TXNIP: variants seen among roughly 807,000 people sequenced by gnomAD.
TXNIP encodes the protein thioredoxin interacting protein.
TXNIP carries 23 observed loss-of-function variants against 43.9 expected under a neutral mutation model. That is an observed-to-expected ratio of 0.52 (90% CI 0.38 to 0.74). TXNIP has a LOEUF of 0.74. Ranked by LOEUF, TXNIP falls within the 30% of genes least tolerant of loss-of-function variation. The pLI, the probability that TXNIP is intolerant of heterozygous loss-of-function variation, is 0.00. For synonymous variants in TXNIP, 234 were observed against 172.2 expected (o/e 1.36, Z -2.81); for missense variants, 555 against 485.4 (o/e 1.14, Z -1.35).
Position 145,993,725 on chromosome 1 carries a change from G to C in TXNIP, c.*126C>G. 9.3e-7 allele frequency: 1 copy of C among 1,080,744 alleles called. No homozygotes were observed. Among genetic ancestry groups the C allele is most frequent in the South Asian group, 1.5e-5 (1 of 66,902 alleles). 66.9% of individuals were successfully genotyped at this position (1,080,744 alleles called of 1,614,324 possible). On this transcript the variant is annotated 3_prime_UTR_variant, in exon 8 of 8. Coordinates refer to ENST00000582401, the MANE Select transcript of TXNIP (RefSeq NM_006472.6). ...GCCTGCTGACCACCTCCTACATTAGGAAGTCAGAGGCTAAGGTGGACCCAC... is the reference window on the plus strand; with the variant it reads ...GCCTGCTGACCACCTCCTACATTAGCAAGTCAGAGGCTAAGGTGGACCCAC...
intron 1 of TXNIP, 196 bp downstream of exon 1, chr1:145,995,821 T>TA (rs1335297319): frequency 6.9e-6 from 5 of 727,686 alleles, no homozygotes; most frequent in Admixed American, 2.9e-5. Flanking sequence ...CACAGCACCA[T>TA]AAAAAATTGT....
rs1050049874 is a variant in TXNIP, at chr1:145,996,466, T to C, written c.-200A>G. 12 of 547,572 alleles carry C rather than the reference T, an allele frequency of 2.2e-5. No individual in the cohort carries two copies. Among genetic ancestry groups the C allele is most frequent in the African/African-American group, 1.9e-4 (10 of 52,440 alleles). 33.9% of individuals were successfully genotyped at this position (547,572 alleles called of 1,614,324 possible). ...TTTTCGAAAAGGCGCCTAAAAAATA[T>C]ACGCCGCTGGTTACACTAAGCTAAT... is the stretch of plus-strand genomic sequence containing the variant. On this transcript the variant is annotated 5_prime_UTR_variant, in exon 1 of 8. Transcript: ENST00000582401.
In TXNIP at chr1:145,995,039, GA is replaced by G; in HGVS notation, c.472-9del. The G allele has an allele frequency of 6.2e-7, 1 of 1,613,902 alleles. No individual in the cohort carries two copies. Among genetic ancestry groups the G allele is most frequent in the East Asian group, 2.2e-5 (1 of 44,874 alleles). ...TTTAGCAGACACAGGTGCCTATATA[GA>G]AGGGGATAAAAAGGTGTTTTGAGAT... On this transcript the variant is annotated splice_polypyrimidine_tract_variant and intron_variant, in intron 3 of 7. Coordinates refer to ENST00000582401, the MANE Select transcript of TXNIP (RefSeq NM_006472.6).
Position 145,996,438 on chromosome 1 carries a change from A to G in TXNIP, c.-172T>C, listed in dbSNP as rs1651539572. On this transcript the variant is annotated 5_prime_UTR_variant, in exon 1 of 8. Transcript: ENST00000582401. ...TTTAAACAAATGAATATTAACTACTAGGTTTTCGAAAAGGCGCCTAAAAAA... is the reference window on the plus strand; with the variant it reads ...TTTAAACAAATGAATATTAACTACTGGGTTTTCGAAAAGGCGCCTAAAAAA... 6.5e-6 allele frequency: 5 copies of G among 774,232 alleles called. No homozygotes were observed. Among genetic ancestry groups the G allele is most frequent in the Non-Finnish European group, 7.8e-6 (4 of 515,498 alleles). The allele number at this position is 774,232 out of a possible 1,614,324, so 48.0% of individuals were successfully genotyped here. A position where few individuals can be genotyped will look rare whatever the true frequency, so the allele number is the denominator to read the frequency against.
chr1:145,994,998 A>T lies in TXNIP; in HGVS notation c.505T>A (p.Ser169Thr), dbSNP rs782344734. ...CGCCCATCAGGAATGAACATGCAGG[A>T]AACTTTCTTTTCTTTTTTAGCAGAC... ...PVSAKKEKKVSCMFIPDGRVS... is the reference protein window; with the variant it reads ...PVSAKKEKKVTCMFIPDGRVS... Residue 169 changes from serine (S) to threonine (T), a missense_variant, in exon 4 of 8, where the codon TCC (serine) becomes ACC (threonine). Transcript: ENST00000582401. The T allele has an allele frequency of 2.0e-5, 33 of 1,614,068 alleles. No individual in the cohort carries two copies. The highest frequency in any genetic ancestry group is 2.6e-5 in the Non-Finnish European group (31 of 1,180,052).
In TXNIP at chr1:145,994,385, A is replaced by G; in HGVS notation, c.884T>C (p.Val295Ala). 1 of 1,614,142 alleles carries G rather than the reference A, an allele frequency of 6.2e-7. No homozygotes were observed. ...SKKVILDLPL[V>A]IGSRSGLSSR... is the part of the protein sequence containing the mutation. ...GCTTAGACCTGATCTGCTGCCAATTACCAGGGGCAGGTCAAGGATGACCTT... is the reference window on the plus strand; with the variant it reads ...GCTTAGACCTGATCTGCTGCCAATTGCCAGGGGCAGGTCAAGGATGACCTT... The change falls in exon 6 of 8, where the codon GTA (valine) becomes GCA (alanine). Residue 295 changes from valine to alanine, a missense_variant. Coordinates refer to ENST00000582401, the MANE Select transcript of TXNIP (RefSeq NM_006472.6).
In TXNIP at chr1:145,995,430, G is replaced by C; in HGVS notation, c.297C>G (p.Tyr99Ter). 6.2e-7 allele frequency: 1 copy of C among 1,614,070 alleles called. No individual in the cohort carries two copies. The highest frequency in any genetic ancestry group is 1.1e-5 in the South Asian group (1 of 91,064). ...VIMRPGNKYE[Y>*]KFGFELPQGP... Reference sequence around the variant, plus strand: ...CCTGAGGAAGCTCAAAGCCGAACTTGTACTCATATTTGTTTCCAGGTCTCA... The same window carrying C: ...CCTGAGGAAGCTCAAAGCCGAACTTCTACTCATATTTGTTTCCAGGTCTCA... The change falls in exon 2 of 8, where the codon TAC becomes TAG. Residue 99 changes from tyrosine to a stop codon, truncating the protein, a stop_gained. Transcript: ENST00000582401. LOFTEE classifies it high-confidence loss of function.
chr1:145,995,876 T>G (rs1399831710), intron 1 of TXNIP, 141 bp downstream of exon 1: 2 of 1,088,016 alleles, frequency 1.8e-6, no homozygotes, highest in Non-Finnish European at 2.6e-6. Context: ...TGTCTGCAAA[T>G]TAAAACAGAA....
rs2101962370 is a variant in TXNIP, at chr1:145,995,134, T to C, written c.471+10A>G. ...ACCCAGGAGAATAGAATCTTTAAAA[T>C]GGATCTCACCATTAAATCAGGGGTA... On this transcript the variant is annotated intron_variant, in intron 3 of 7. Transcript: ENST00000582401. The C allele has an allele frequency of 6.2e-7, 1 of 1,614,062 alleles. No individual in the cohort carries two copies. Among genetic ancestry groups the C allele is most frequent in the Non-Finnish European group, 8.5e-7 (1 of 1,179,932 alleles).
At chr1:145,994,496 G>C (rs1553766042) in intron 5 of TXNIP, 48 bp downstream of exon 5, 1 of 1,613,194 alleles carries the variant, frequency 6.2e-7, no homozygotes, top group Admixed American at 1.7e-5. Context: ...GACAGCTGTG[G>C]TAACAGATGA....
At position 145,992,813 on chromosome 1, in the gene TXNIP, G is replaced by A. The variant is rs1185681179; in HGVS notation, c.*1038C>T. On this transcript the variant is annotated 3_prime_UTR_variant, in exon 8 of 8. Coordinates refer to ENST00000582401, the MANE Select transcript of TXNIP (RefSeq NM_006472.6). ...AGTATTTGGAGGTTCTGATCACAGG[G>A]TTGGGCATCTTGATCAAGAGTTCCT... 6.6e-6 allele frequency: 1 copy of A among 152,652 alleles called. No homozygotes were observed. The highest frequency in any genetic ancestry group is 2.4e-5 in the African/African-American group (1 of 41,436). The allele number at this position is 152,652 out of a possible 1,614,324, so 9.5% of individuals were successfully genotyped here. A position where few individuals can be genotyped will look rare whatever the true frequency, so the allele number is the denominator to read the frequency against.
chr1:145,992,818 G>A lies in TXNIP; in HGVS notation c.*1033C>T, dbSNP rs587631368. 38 of 152,754 alleles carry A rather than the reference G, an allele frequency of 2.5e-4. No individual in the cohort carries two copies. The highest frequency in any genetic ancestry group is 1.9e-4 in the Non-Finnish European group (13 of 68,050). The allele number at this position is 152,754 out of a possible 1,614,324, so 9.5% of individuals were successfully genotyped here. A position where few individuals can be genotyped will look rare whatever the true frequency, so the allele number is the denominator to read the frequency against. ...TTGGAGGTTCTGATCACAGGGTTGGGCATCTTGATCAAGAGTTCCTCCTTG... is the reference window on the plus strand; with the variant it reads ...TTGGAGGTTCTGATCACAGGGTTGGACATCTTGATCAAGAGTTCCTCCTTG... On this transcript the variant is annotated 3_prime_UTR_variant, in exon 8 of 8. Coordinates refer to ENST00000582401, the MANE Select transcript of TXNIP (RefSeq NM_006472.6).
Position 145,994,950 on chromosome 1 carries a change from C to T in TXNIP, c.553G>A (p.Asp185Asn), listed in dbSNP as rs782665446. Reference protein sequence around the residue: ...DGRVSVSARIDRKGFCEGDEI... With the variant: ...DGRVSVSARINRKGFCEGDEI... ...TTACCTTCACAGAATCCTTTTCTGT[C>T]AATTCGAGCAGAGACAGACACCCGC... is the stretch of plus-strand genomic sequence containing the variant. The change falls in exon 4 of 8, where the codon GAC (aspartate) becomes AAC (asparagine). Residue 185 changes from aspartate to asparagine, a missense_variant. Coordinates refer to ENST00000582401, the MANE Select transcript of TXNIP (RefSeq NM_006472.6). The T allele has an allele frequency of 1.2e-6, 2 of 1,614,158 alleles. No homozygotes were observed. Among genetic ancestry groups the T allele is most frequent in the Non-Finnish European group, 1.7e-6 (2 of 1,180,036 alleles).
In TXNIP at chr1:145,994,974, G is replaced by A. The variant is rs143973146; in HGVS notation, c.529C>T (p.Arg177Trp). The A allele has an allele frequency of 5.8e-5, 93 of 1,613,916 alleles. No homozygotes were observed. The highest frequency in any genetic ancestry group is 8.0e-5 in the African/African-American group (6 of 74,880). Residue 177 changes from arginine (R) to tryptophan (W), a missense_variant, in exon 4 of 8, where the codon CGG becomes TGG. Arg to Trp is a moderately radical substitution (Grantham distance 101, BLOSUM62 -3). Transcript: ENST00000582401. ...TCAATTCGAGCAGAGACAGACACCC[G>A]CCCATCAGGAATGAACATGCAGGAA... is the stretch of plus-strand genomic sequence containing the variant. ...KVSCMFIPDG[R>W]VSVSARIDRK...
rs200513006 is a variant in TXNIP, at chr1:145,994,918, T to C, written c.574+11A>G. 117 of 1,614,170 alleles carry C rather than the reference T, an allele frequency of 7.2e-5. No individual in the cohort carries two copies. The Middle Eastern group carries it at 1.5e-3, about 20-fold the overall frequency. Reference sequence around the variant, plus strand: ...TTCCTGTTTTAACTGCCATAAGCACTAGGATTTTACCTTCACAGAATCCTT... The same window carrying C: ...TTCCTGTTTTAACTGCCATAAGCACCAGGATTTTACCTTCACAGAATCCTT... On this transcript the variant is annotated intron_variant, in intron 4 of 7. Coordinates refer to ENST00000582401, the MANE Select transcript of TXNIP (RefSeq NM_006472.6).
At position 145,993,771 on chromosome 1, in the gene TXNIP, G is replaced by C; in HGVS notation, c.*80C>G. The C allele has an allele frequency of 3.3e-6, 5 of 1,505,732 alleles. No homozygotes were observed. The highest frequency in any genetic ancestry group is 4.6e-6 in the Non-Finnish European group (5 of 1,089,102). 93.3% of individuals were successfully genotyped at this position (1,505,732 alleles called of 1,614,324 possible). A position where few individuals can be genotyped will look rare whatever the true frequency, so the allele number is the denominator to read the frequency against. On this transcript the variant is annotated 3_prime_UTR_variant, in exon 8 of 8. Transcript: ENST00000582401. ...CCCACACTCCATTGCAGAGACTGTT[G>C]AGTCTCTGAAAAAGTGAGTGTCCAG...
In TXNIP at chr1:145,996,218, G is replaced by C; in HGVS notation, c.49C>G (p.Pro17Ala). 1 of 1,613,898 alleles carries C rather than the reference G, an allele frequency of 6.2e-7. No individual in the cohort carries two copies. The highest frequency in any genetic ancestry group is 8.5e-7 in the Non-Finnish European group (1 of 1,179,984). Residue 17 changes from proline (P) to alanine (A), a missense_variant, in exon 1 of 8, where the codon CCT (proline) becomes GCT (alanine). Pro to Ala is a conservative substitution (Grantham distance 27). Coordinates refer to ENST00000582401, the MANE Select transcript of TXNIP (RefSeq NM_006472.6). ...TCGCCACTGCCGTACACCTTTTCAG[G>C]GTCGTTAAAGACCACCTCAAAAGAC... is the stretch of plus-strand genomic sequence containing the variant. ...IKSFEVVFND[P>A]EKVYGSGEKV...
intron 1 of TXNIP, 52 bp downstream of exon 1, chr1:145,995,965 A>G (rs782295645): frequency 3.3e-5 from 52 of 1,597,058 alleles, no homozygotes; most frequent in Middle Eastern, 2.2e-4. Context: ...TGTGTATTCA[A>G]TTCTCTTCTC....
intron 4 of TXNIP, 53 bp from the exon 5 acceptor site, chr1:145,994,853 T>C (rs1651392800): frequency 1.2e-6 from 2 of 1,613,646 alleles, no homozygotes; most frequent in Admixed American, 1.7e-5. Flanking sequence ...TTAATGACAC[T>C]TCCTCTACCC....
Sources: allele counts gnomAD v4.1 joint callset, GRCh38; gene constraint gnomAD v4.1.1; transcripts MANE v1.5; gene names NCBI Gene and HGNC (gene_info 2026-07-23, HGNC 2026-07-21).